The following SAMD15 variants were observed in gnomAD, a reference collection of about 807,000 sequenced individuals.
SAMD15 encodes the protein sterile alpha motif domain-containing protein 15.
SAMD15 carries 37 observed loss-of-function variants against 50.5 expected under a neutral mutation model. That is an observed-to-expected ratio of 0.73 (90% CI 0.56 to 0.96). SAMD15 has a LOEUF of 0.96. Among genes scored for constraint, SAMD15 ranks in the 40% least tolerant of loss-of-function variants. The pLI, the probability that SAMD15 is intolerant of heterozygous loss-of-function variation, is 0.00. For missense variants in SAMD15, 789 were observed against 783.8 expected, an observed-to-expected ratio of 1.01 and a Z score of -0.08; for synonymous variants, 255 against 282.8, an observed-to-expected ratio of 0.90 and a Z score of 0.99.
chr14:77,390,337 C>T (rs564694625), intron 2 of SAMD15, among the ~76,000 whole-genome samples: 1 of 152,136 alleles, frequency 6.6e-6, no homozygotes, highest in South Asian at 2.1e-4. Context: ...TTAACTGAGC[C>T]CCATATAGAC....
intron 2 of SAMD15, among the ~76,000 whole-genome samples, chr14:77,382,504 C>G (rs1016496696): frequency 1.3e-5 from 2 of 152,120 alleles, no homozygotes; most frequent in Non-Finnish European, 2.9e-5. Context: ...AGTGATCTGC[C>G]GGCCTTGGCC....
intron 2 of SAMD15, among the ~76,000 whole-genome samples, chr14:77,386,588 G>A (rs543013925): frequency 6.6e-6 from 1 of 152,236 alleles, no homozygotes; most frequent in Admixed American, 6.5e-5. Context: ...GCTGCAGTGA[G>A]CTATGGTCAT....
chr14:77,381,872 T>G (rs946506922), intron 2 of SAMD15, among the ~76,000 whole-genome samples: 2 of 152,196 alleles, frequency 1.3e-5, no homozygotes, highest in African/African-American at 4.8e-5. Context: ...TATAGAAAAC[T>G]GGGGCCCAGA....
chr14:77,378,033 T>TC lies in SAMD15; in HGVS notation c.616dup (p.Leu206ProfsTer14). ...TTAGAGTGCAACATGAAGAGACAGG[T>TC]CTAGAGCCTCCAGAGCAGACCAAAC... On this transcript the variant is annotated frameshift_variant, in exon 1 of 3. Transcript: ENST00000216471. LOFTEE classifies it high-confidence loss of function. 6.2e-7 allele frequency: 1 copy of TC among 1,613,664 alleles called. No individual in the cohort carries two copies. Among genetic ancestry groups the TC allele is most frequent in the Non-Finnish European group, 8.5e-7 (1 of 1,179,938 alleles).
intron 2 of SAMD15, among the ~76,000 whole-genome samples, chr14:77,389,428 A>G (rs1894045913): frequency 6.6e-6 from 1 of 152,026 alleles, no homozygotes; most frequent in African/African-American, 2.4e-5. Context: ...CAGAGGCAGA[A>G]TATGAATTCA....
intron 1 of SAMD15, 24 bp downstream of exon 1, chr14:77,379,131 A>G (rs767760377): frequency 5.0e-6 from 8 of 1,598,920 alleles, no homozygotes; most frequent in Non-Finnish European, 6.8e-6. Flanking sequence ...AGATGTTTTG[A>G]AATCACATGC....
At chr14:77,384,949 C>T (rs1893987255) in intron 2 of SAMD15, among the ~76,000 whole-genome samples, 2 of 151,970 alleles carry the variant, frequency 1.3e-5, no homozygotes, top group African/African-American at 4.8e-5. Flanking sequence ...TTGGGAGGCT[C>T]AGGCGGGTGG....
intron 2 of SAMD15, among the ~76,000 whole-genome samples, chr14:77,390,000 T>C (rs1030988671): frequency 9.8e-6 from 1 of 102,516 alleles, no homozygotes; most frequent in Non-Finnish European, 1.8e-5. Context: ...CTATTTGTTA[T>C]GATTTTTTTT....
Position 77,379,217 on chromosome 14 carries a change from T to C in SAMD15, c.1689+110T>C. On this transcript the variant is annotated intron_variant, in intron 1 of 2. Transcript: ENST00000216471. Reference sequence around the variant, plus strand: ...CTTTACCGGAAGGAGTATCAAAAAGTCCTAGACTGTGGTAGAGGTAACTTG... The same window carrying C: ...CTTTACCGGAAGGAGTATCAAAAAGCCCTAGACTGTGGTAGAGGTAACTTG... 2.9e-6 allele frequency: 3 copies of C among 1,019,254 alleles called. No homozygotes were observed. In the South Asian group the frequency reaches 4.8e-5, roughly 16 times the overall value. 63.1% of individuals were successfully genotyped at this position (1,019,254 alleles called of 1,614,324 possible). A position where few individuals can be genotyped will look rare whatever the true frequency, so the allele number is the denominator to read the frequency against.
At chr14:77,385,747 AGC>A (rs967289427) in intron 2 of SAMD15, among the ~76,000 whole-genome samples, 2 of 152,048 alleles carry the variant, frequency 1.3e-5, no homozygotes, top group African/African-American at 4.8e-5. Flanking sequence ...GTTACAGGTC[AGC>A]ACCTTTCTTC....
Position 77,380,378 on chromosome 14 carries a change from GACAGGAGTGTTTT to G in SAMD15, c.1690-3_1699del. The G allele has an allele frequency of 1.3e-6, 2 of 1,593,270 alleles. No individual in the cohort carries two copies. The highest frequency in any genetic ancestry group is 1.7e-6 in the Non-Finnish European group (2 of 1,161,558). On this transcript the variant is annotated splice_acceptor_variant and splice_polypyrimidine_tract_variant and coding_sequence_variant and intron_variant, in exon 2 of 3. Coordinates refer to ENST00000216471, the MANE Select transcript of SAMD15 (RefSeq NM_001010860.4). LOFTEE classifies it high-confidence loss of function. ...TTTTAAGTGATGTCCTTGTTGTATT[GACAGGAGTGTTTT>G]ATCACAAACTTCATCAGTGGCCGAA...
chr14:77,378,538 C>T lies in SAMD15; in HGVS notation c.1120C>T (p.Gln374Ter), dbSNP rs545965014. ...AAAGTCAAATGAGAAAAAAAATCCA[C>T]AGCCACCAGAGGAGACTGGTCCAGT... ...IRKSNEKKNP[Q>*]PPEETGPVLP... The change falls in exon 1 of 3, where the codon CAG becomes TAG. Residue 374 changes from glutamine to a stop codon, truncating the protein, a stop_gained. Coordinates refer to ENST00000216471, the MANE Select transcript of SAMD15 (RefSeq NM_001010860.4). LOFTEE classifies it high-confidence loss of function. 4.3e-6 allele frequency: 7 copies of T among 1,613,406 alleles called. No homozygotes were observed. The East Asian group carries it at 1.3e-4, about 31-fold the overall frequency.
Position 77,377,627 on chromosome 14 carries a change from A to C in SAMD15, c.209A>C (p.Asp70Ala). ...EEEDFKEGEP[D>A]SAKNVQLKPG... is the part of the protein sequence containing the mutation. ...GAGGACTTCAAAGAGGGGGAGCCAG[A>C]CAGTGCTAAGAACGTGCAGCTGAAA... is the stretch of plus-strand genomic sequence containing the variant. The change falls in exon 1 of 3, where the codon GAC becomes GCC. Residue 70 changes from aspartate to alanine, a missense_variant. Physicochemically the swap from Asp to Ala is moderately radical, Grantham distance 126 (BLOSUM62 -2). Transcript: ENST00000216471. 6.2e-7 allele frequency: 1 copy of C among 1,614,222 alleles called. No homozygotes were observed. The highest frequency in any genetic ancestry group is 1.1e-5 in the South Asian group (1 of 91,084).
rs958404261 is a variant in SAMD15 at position 77,392,068 on chromosome 14, A to C, written c.*824A>C. On this transcript the variant is annotated 3_prime_UTR_variant, in exon 3 of 3. Transcript: ENST00000216471. ...GACTCTGTCTAAAACAAACAAACAA[A>C]ACAAAGCAAAACAAAATTCCTGAAA... 9.9e-5 allele frequency among the ~76,000 whole-genome samples: 15 copies of C among 151,960 alleles called. No homozygotes were observed. Among genetic ancestry groups the C allele is most frequent in the Admixed American group, 2.0e-4 (3 of 15,230 alleles).
At chr14:77,380,953 A>G (rs893866644) in intron 2 of SAMD15, among the ~76,000 whole-genome samples, 2 of 151,980 alleles carry the variant, frequency 1.3e-5, no homozygotes, top group African/African-American at 4.8e-5. Flanking sequence ...CTCCACATGA[A>G]TTTTGTGCTC....
At chr14:77,384,664 GC>G (rs1893984355) in intron 2 of SAMD15, among the ~76,000 whole-genome samples, 1 of 151,886 alleles carries the variant, frequency 6.6e-6, no homozygotes, top group African/African-American at 2.4e-5. Flanking sequence ...TCCTGCTGCA[GC>G]CCCAGAATCA....
Position 77,378,071 on chromosome 14 carries a change from G to A in SAMD15, c.653G>A (p.Ser218Asn). The A allele has an allele frequency of 6.2e-7, 1 of 1,613,880 alleles. No individual in the cohort carries two copies. Among genetic ancestry groups the A allele is most frequent in the Non-Finnish European group, 8.5e-7 (1 of 1,180,014 alleles). ...PPEQTKQDFPSEKLGESLEET... is the reference protein window; with the variant it reads ...PPEQTKQDFPNEKLGESLEET... The stretch of plus-strand genomic sequence containing the variant: ...GAGCAGACCAAACAAGATTTTCCAA[G>A]TGAGAAACTAGGAGAATCACTTGAA... Residue 218 changes from serine to asparagine, a missense_variant, in exon 1 of 3, where the codon AGT becomes AAT. Physicochemically the swap from Ser to Asn is conservative, Grantham distance 46. Coordinates refer to ENST00000216471, the MANE Select transcript of SAMD15 (RefSeq NM_001010860.4).
Position 77,391,680 on chromosome 14 carries a change from T to G in SAMD15, c.*436T>G, listed in dbSNP as rs1894074722. The stretch of plus-strand genomic sequence containing the variant: ...CTTCATTCCTAGTTGTGTCTCTGAC[T>G]TATGGTACCCTCCCTTTCTTTTTGC... On this transcript the variant is annotated 3_prime_UTR_variant, in exon 3 of 3. Coordinates refer to ENST00000216471, the MANE Select transcript of SAMD15 (RefSeq NM_001010860.4). Among the ~76,000 whole-genome samples, 2 of 152,180 alleles carry G rather than the reference T, an allele frequency of 1.3e-5. No homozygotes were observed. Among genetic ancestry groups the G allele is most frequent in the South Asian group, 2.1e-4 (1 of 4,830 alleles).
intron 2 of SAMD15, among the ~76,000 whole-genome samples, chr14:77,383,081 T>C (rs544820609): frequency 2.4e-4 from 37 of 152,330 alleles, no homozygotes; most frequent in African/African-American, 8.7e-4. Flanking sequence ...CAGATAAATA[T>C]CTTGTTCTTT....
Sources: allele counts gnomAD v4.1 joint callset (sites outside exome capture counted in the v4.1 genomes callset), GRCh38; gene constraint gnomAD v4.1.1; transcripts MANE v1.5; gene names NCBI Gene and HGNC (gene_info 2026-07-23, HGNC 2026-07-21).